The following TAOK1 variants were observed in gnomAD, a reference collection of about 807,000 sequenced individuals.
TAOK1 encodes TAO kinase 1.
Under a neutral mutation model 138.3 loss-of-function variants are expected in TAOK1, and 21 were observed. The ratio of observed to expected loss-of-function variants is 0.15; its 90% confidence interval spans 0.11 to 0.22. TAOK1 has a LOEUF of 0.22. Ranked by LOEUF, TAOK1 falls within the 10% of genes least tolerant of loss-of-function variation. The pLI, the probability that TAOK1 is intolerant of heterozygous loss-of-function variation, is 1.00. For missense variants in TAOK1, 651 were observed against 1,227.7 expected (o/e 0.53, Z 7.02); for synonymous variants, 361 against 398.4 (o/e 0.91, Z 1.12).
At chr17:29,468,919 T>G (rs1236397618) in intron 3 of TAOK1, among the ~76,000 whole-genome samples, 3 of 152,216 alleles carry the variant, frequency 2.0e-5, no homozygotes, top group Non-Finnish European at 4.4e-5. Context: ...CATGAATGTA[T>G]ATCTAGTCTG....
At position 29,480,353 on chromosome 17, in the gene TAOK1, A is replaced by G. The variant is rs80173580; in HGVS notation, c.450-15A>G. The stretch of plus-strand genomic sequence containing the variant: ...GAGGGAAAGTTAAGTAATTTTCTGT[A>G]TTCCCTAAACCTAGAGATATCAAAG... On this transcript the variant is annotated splice_polypyrimidine_tract_variant and intron_variant, in intron 6 of 19. Transcript: ENST00000261716. 66 of 1,582,304 alleles carry G rather than the reference A, an allele frequency of 4.2e-5. No homozygotes were observed. Among genetic ancestry groups the G allele is most frequent in the Non-Finnish European group, 5.4e-5 (63 of 1,156,806 alleles).
rs767582521 is a variant in TAOK1 at position 29,534,930 on chromosome 17, T to G, written c.2544+630T>G. On this transcript the variant is annotated intron_variant, in intron 19 of 19. Coordinates refer to ENST00000261716, the MANE Select transcript of TAOK1 (RefSeq NM_020791.4). ...ATTTCCATCCTTCAGGATACTAAGGTGTGTGTGTGTGTGTGTGTGTGTGTG... is the reference window on the plus strand; with the variant it reads ...ATTTCCATCCTTCAGGATACTAAGGGGTGTGTGTGTGTGTGTGTGTGTGTG... Among the ~76,000 whole-genome samples the G allele has an allele frequency of 4.0e-3, 269 of 66,502 alleles. 1 individual carries two copies. The highest frequency in any genetic ancestry group is 8.3e-3 in the Non-Finnish European group (197 of 23,614). 43.6% of individuals were successfully genotyped at this position (66,502 alleles called of 152,430 possible).
rs1464973677 is a variant in TAOK1, at chr17:29,451,534, T to A, written c.-15T>A. Reference sequence around the variant, plus strand: ...AGTATAAAATTAGAATCAAGACAGCTGACTGCTCAGCAGGATGCCATCAAC... The same window carrying A: ...AGTATAAAATTAGAATCAAGACAGCAGACTGCTCAGCAGGATGCCATCAAC... On this transcript the variant is annotated 5_prime_UTR_variant, in exon 2 of 20. Transcript: ENST00000261716. 6.2e-7 allele frequency: 1 copy of A among 1,603,558 alleles called. No individual in the cohort carries two copies.
chr17:29,454,535 G>A (rs578185036), intron 2 of TAOK1, among the ~76,000 whole-genome samples: 3 of 151,960 alleles, frequency 2.0e-5, no homozygotes, highest in Admixed American at 6.6e-5. Context: ...ATCACTTTTG[G>A]TAGATCTATA....
intron 16 of TAOK1, among the ~76,000 whole-genome samples, chr17:29,519,737 T>TATTAGTAAGAATATAA (rs1491355192): frequency 2.0e-5 from 3 of 152,178 alleles, no homozygotes; most frequent in Non-Finnish European, 2.9e-5. Context: ...TAACAGACAC[T>TATTAGTAAGAATATAA]ATTAGTAAGA....
chr17:29,468,250 C>T (rs2153025793), intron 3 of TAOK1, among the ~76,000 whole-genome samples: 1 of 149,060 alleles, frequency 6.7e-6, no homozygotes, highest in East Asian at 2.0e-4. Context: ...AATTCTCCTG[C>T]TTCAGCCTCC....
At chr17:29,525,838 A>T (rs2032000394) in intron 17 of TAOK1, among the ~76,000 whole-genome samples, 1 of 152,224 alleles carries the variant, frequency 6.6e-6, no homozygotes, top group Non-Finnish European at 1.5e-5. Context: ...CTCTACTAAA[A>T]ATACAAAAAT....
intron 1 of TAOK1, among the ~76,000 whole-genome samples, chr17:29,401,662 C>CT (rs11347757): frequency 1.5e-4 from 22 of 149,516 alleles, no homozygotes; most frequent in South Asian, 2.1e-4. Flanking sequence ...TTTTTCTTCT[C>CT]TTTTTTTTTT....
At position 29,547,814 on chromosome 17, in the gene TAOK1, A is replaced by G. The variant is rs2032425579; in HGVS notation, c.*4792A>G. The G allele has an allele frequency of 6.6e-6, 1 of 152,138 alleles. No homozygotes were observed. The highest frequency in any genetic ancestry group is 1.5e-5 in the Non-Finnish European group (1 of 67,984). The allele number at this position is 152,138 out of a possible 1,614,324, so 9.4% of individuals were successfully genotyped here. On this transcript the variant is annotated 3_prime_UTR_variant, in exon 20 of 20. Transcript: ENST00000261716. ...GAGACTCACTCACTCTTAGTTTTTA[A>G]GAACTGGAAATTTCCCATCCTCAGA...
At chr17:29,470,532 CTG>C (rs748596206) in intron 3 of TAOK1, among the ~76,000 whole-genome samples, 9 of 100,474 alleles carry the variant, frequency 9.0e-5, no homozygotes, top group Non-Finnish European at 1.2e-4. Flanking sequence ...ATCAATAAAA[CTG>C]TATTAAAAAA....
At chr17:29,399,384 C>T (rs930542806) in intron 1 of TAOK1, among the ~76,000 whole-genome samples, 1 of 151,916 alleles carries the variant, frequency 6.6e-6, no homozygotes. Context: ...GGCACAATCT[C>T]GGCTCGCTGC....
chr17:29,498,985 G>C (rs2031464849), intron 12 of TAOK1, among the ~76,000 whole-genome samples: 1 of 151,744 alleles, frequency 6.6e-6, no homozygotes. Flanking sequence ...CTCCTAACCT[G>C]TTATCTCCAT....
rs2031452036 is a variant in TAOK1 at position 29,498,327 on chromosome 17, C to T, written c.1009C>T (p.His337Tyr). 1 of 1,613,976 alleles carries T rather than the reference C, an allele frequency of 6.2e-7. No individual in the cohort carries two copies. The highest frequency in any genetic ancestry group is 1.7e-5 in the Admixed American group (1 of 59,988). Reference sequence around the variant, plus strand: ...TGTCCTTTTCTCTTAGGAACAAGATCATGGTGTTGGCCGGACAGGAACAGT... The same window carrying T: ...TGTCCTTTTCTCTTAGGAACAAGATTATGGTGTTGGCCGGACAGGAACAGT... ...EAQEEEEEQD[H>Y]GVGRTGTVNS... The change falls in exon 12 of 20, where the codon CAT (histidine) becomes TAT (tyrosine). Residue 337 changes from histidine to tyrosine, a missense_variant. His to Tyr is a moderately conservative substitution (Grantham distance 83). Transcript: ENST00000261716.
At chr17:29,493,171 T>G (rs2031338621) in intron 10 of TAOK1, among the ~76,000 whole-genome samples, 1 of 150,816 alleles carries the variant, frequency 6.6e-6, no homozygotes, top group Admixed American at 6.6e-5. Context: ...AAGACAATAT[T>G]GTAAATAGTG....
At chr17:29,397,672 T>TATACATGTATATTCATGCATG (rs74203913) in intron 1 of TAOK1, among the ~76,000 whole-genome samples, 1 of 59,614 alleles carries the variant, frequency 1.7e-5, no homozygotes, top group Non-Finnish European at 3.1e-5. Flanking sequence ...ATGATACATG[T>TATACATGTATATTCATGCATG]ATACATGTAT....
intron 1 of TAOK1, among the ~76,000 whole-genome samples, chr17:29,414,650 G>C (rs904588174): frequency 6.6e-6 from 1 of 151,088 alleles, no homozygotes; most frequent in East Asian, 2.0e-4. Context: ...TCCGCCTCCC[G>C]GGTTCAAGCG....
At chr17:29,393,561 A>G (rs1056491825) in intron 1 of TAOK1, among the ~76,000 whole-genome samples, 1 of 152,202 alleles carries the variant, frequency 6.6e-6, no homozygotes, top group Non-Finnish European at 1.5e-5. Flanking sequence ...AGTTGATTCT[A>G]GATTAGTATG....
chr17:29,416,311 A>ATT (rs1905263099), intron 1 of TAOK1, among the ~76,000 whole-genome samples: 1 of 151,942 alleles, frequency 6.6e-6, no homozygotes, highest in African/African-American at 2.4e-5. Flanking sequence ...AACATTATTT[A>ATT]TTTTTATTTT....
At position 29,467,199 on chromosome 17, in the gene TAOK1, G is replaced by T; in HGVS notation, c.187G>T (p.Gly63Ter). 6.2e-7 allele frequency: 1 copy of T among 1,603,164 alleles called. No individual in the cohort carries two copies. The highest frequency in any genetic ancestry group is 8.5e-7 in the Non-Finnish European group (1 of 1,173,160). The change falls in exon 3 of 20, where the codon GGA (glycine) becomes TGA (stop). Residue 63 changes from glycine (G) to a stop codon, truncating the protein, a stop_gained. Transcript: ENST00000261716. LOFTEE classifies it high-confidence loss of function. Reference protein sequence around the residue: ...VVAIKKMSYSGKQSTEKWQDI... With the variant: ...VVAIKKMSYS ...GGCCATCAAGAAAATGTCTTATAGTGGAAAGCAGTCTACTGAGGTAGGTTA... is the reference window on the plus strand; with the variant it reads ...GGCCATCAAGAAAATGTCTTATAGTTGAAAGCAGTCTACTGAGGTAGGTTA...
Sources: allele counts gnomAD v4.1 joint callset (sites outside exome capture counted in the v4.1 genomes callset), GRCh38; gene constraint gnomAD v4.1.1; transcripts MANE v1.5; gene names NCBI Gene and HGNC (gene_info 2026-07-23, HGNC 2026-07-21).